The following DCAF8L2 variants were observed in gnomAD, a reference collection of about 807,000 sequenced individuals.
The protein encoded by DCAF8L2 is DDB1 and CUL4 associated factor 8 like 2.
For missense variants in DCAF8L2, 430 were observed against 490.7 expected (o/e 0.88, Z 1.17); for synonymous variants, 200 against 190.9 (o/e 1.05, Z -0.39).
At chrX:27,712,360 C>T (rs971841077) in intron 3 of DCAF8L2, among the ~76,000 whole-genome samples, 2 of 111,228 alleles carry the variant, frequency 1.8e-5, no homozygotes, top group Admixed American at 1.9e-4. Context: ...CTGAACAGTA[C>T]CAATTTGTTT....
At position 27,747,833 on chromosome X, in the gene DCAF8L2, G is replaced by C; in HGVS notation, c.938G>C (p.Cys313Ser). 1.7e-6 allele frequency: 2 copies of C among 1,209,703 alleles called. No homozygotes were observed. Among genetic ancestry groups the C allele is most frequent in the Non-Finnish European group, 2.2e-6 (2 of 894,159 alleles). Residue 313 changes from cysteine (C) to serine (S), a missense_variant, in exon 5 of 5, where the codon TGT (cysteine) becomes TCT (serine). Transcript: ENST00000451261. ...INASYFNNTKCVAQHRGPAHK... is the reference protein window; with the variant it reads ...INASYFNNTKSVAQHRGPAHK... The stretch of plus-strand genomic sequence containing the variant: ...GCATCATATTTCAACAATACTAAGT[G>C]TGTGGCCCAGCACAGGGGACCTGCC...
At chrX:27,475,670 T>A in the DCAF8L2 span, among the ~76,000 whole-genome samples, 2 of 109,657 alleles carry the variant, frequency 1.8e-5, no homozygotes, top group African/African-American at 6.6e-5. Flanking sequence ...AAATAAAATT[T>A]AAAATATTTT....
intron 2 of DCAF8L2, chrX:27,633,797 A>G (rs1458150683): frequency 1.8e-5 from 2 of 111,563 alleles, no homozygotes; most frequent in East Asian, 2.8e-4. Context: ...TTTTCTGGCA[A>G]CCGCTTCAAA....
chrX:27,474,940 C>T, the DCAF8L2 span, among the ~76,000 whole-genome samples: 3 of 111,092 alleles, frequency 2.7e-5, no homozygotes, highest in Non-Finnish European at 5.7e-5. Flanking sequence ...CTGAATTGCT[C>T]TGGGCCTTGG....
the DCAF8L2 span, among the ~76,000 whole-genome samples, chrX:27,478,985 T>C: frequency 2.7e-5 from 3 of 111,703 alleles, no homozygotes; most frequent in Non-Finnish European, 5.6e-5. Flanking sequence ...ACCTAGTGAT[T>C]AAAGAATAGA....
intron 1 of DCAF8L2, among the ~76,000 whole-genome samples, chrX:27,593,333 T>C (rs1290262482): frequency 8.9e-6 from 1 of 112,445 alleles, no homozygotes; most frequent in East Asian, 2.8e-4. Context: ...GTCTGTCCCT[T>C]TGTGACTTGC....
the DCAF8L2 span, among the ~76,000 whole-genome samples, chrX:27,541,261 A>G: frequency 8.9e-6 from 1 of 112,049 alleles, no homozygotes; most frequent in Non-Finnish European, 1.9e-5. Context: ...GTATGATCAA[A>G]TGCTAACAGA....
chrX:27,691,837 C>T (rs1395217086), intron 3 of DCAF8L2, among the ~76,000 whole-genome samples: 11 of 111,102 alleles, frequency 9.9e-5, no homozygotes, highest in Non-Finnish European at 7.6e-5. Flanking sequence ...ATAGGTGGTG[C>T]TTAGTGAGAA....
intron 3 of DCAF8L2, among the ~76,000 whole-genome samples, chrX:27,689,810 G>A (rs146752392): frequency 0.013 from 1,465 of 111,975 alleles, 11 homozygotes; most frequent in South Asian, 0.041. Context: ...ATTTCAAAAT[G>A]TAGTGAGAGA....
chrX:27,514,392 G>A, the DCAF8L2 span, among the ~76,000 whole-genome samples: 2,437 of 109,655 alleles, frequency 0.022, 76 homozygotes, highest in African/African-American at 0.076. Context: ...GAAATCGGCC[G>A]CGCGCGGTGG....
the DCAF8L2 span, among the ~76,000 whole-genome samples, chrX:27,582,252 A>G: frequency 1.8e-5 from 2 of 111,976 alleles, no homozygotes; most frequent in East Asian, 5.6e-4. Flanking sequence ...TAAAGTTAAC[A>G]TTTTACATAA....
chrX:27,579,447 T>C, the DCAF8L2 span, among the ~76,000 whole-genome samples: 1 of 110,370 alleles, frequency 9.1e-6, no homozygotes, highest in African/African-American at 3.3e-5. Context: ...AAATAGCTAA[T>C]GCATGTGGGG....
chrX:27,535,950 C>T, the DCAF8L2 span, among the ~76,000 whole-genome samples: 1 of 111,248 alleles, frequency 9.0e-6, no homozygotes, highest in African/African-American at 3.3e-5. Context: ...AGAATTTTGT[C>T]ATTGCAATTT....
intron 2 of DCAF8L2, among the ~76,000 whole-genome samples, chrX:27,650,423 T>G (rs1172293502): frequency 8.9e-6 from 1 of 112,380 alleles, no homozygotes; most frequent in Non-Finnish European, 1.9e-5. Flanking sequence ...TTCTTCTAAT[T>G]CATGAGCATG....
rs1274486696 is a variant in DCAF8L2 at position 27,642,410 on chromosome X, T to C, written c.-220+10410T>C. Among the ~76,000 whole-genome samples, 3 of 111,294 alleles carry C rather than the reference T, an allele frequency of 2.7e-5. No homozygotes were observed. In the Admixed American group the frequency reaches 2.9e-4, roughly 11 times the overall value. On this transcript the variant is annotated intron_variant, in intron 2 of 4. Transcript: ENST00000451261. The stretch of plus-strand genomic sequence containing the variant: ...TGGCTTGTGAAAACAGCAATTTTTT[T>C]TTTCTGGCTCCGATTGAGCCCTGGA...
intron 3 of DCAF8L2, among the ~76,000 whole-genome samples, chrX:27,700,133 A>G (rs1038020333): frequency 1.8e-5 from 2 of 111,303 alleles, no homozygotes. Context: ...AAGAGTCAAA[A>G]TGGACTGATA....
chrX:27,489,906 C>G, the DCAF8L2 span, among the ~76,000 whole-genome samples: 1 of 111,647 alleles, frequency 9.0e-6, no homozygotes, highest in South Asian at 3.8e-4. Context: ...GAAACAGGGT[C>G]TCCCTCTGTT....
intron 1 of DCAF8L2, among the ~76,000 whole-genome samples, chrX:27,629,496 C>T (rs1171853828): frequency 9.6e-6 from 1 of 104,402 alleles, no homozygotes; most frequent in Non-Finnish European, 2.0e-5. Flanking sequence ...CCTTCCTTTT[C>T]TCTCTCTCTC....
Position 27,747,141 on chromosome X carries a change from C to T in DCAF8L2, c.246C>T (p.Ile82=), listed in dbSNP as rs1345807372. The T allele has an allele frequency of 8.6e-7, 1 of 1,167,380 alleles. No homozygotes were observed. Among genetic ancestry groups the T allele is most frequent in the Non-Finnish European group, 1.1e-6 (1 of 872,921 alleles). ...ACCAAGAAAGCGCAAGTGAAGACAT[C>T]GAACTTGAGAGCTTGGAGGACTTTG... ...SSDQESASED[I]ELESLEDFEH... is the part of the protein sequence containing the mutation. Residue 82 remains isoleucine (I), a synonymous_variant, in exon 5 of 5, where the codon ATC becomes ATT. Transcript: ENST00000451261.
Sources: gnomAD v4.1 joint callset for allele counts (sites outside exome capture counted in the v4.1 genomes callset) on GRCh38, gnomAD v4.1.1 for gene constraint, MANE v1.5 for transcripts, NCBI Gene and HGNC (gene_info 2026-07-23, HGNC 2026-07-21) for gene names.